CBLB: variants seen among roughly 807,000 people sequenced by gnomAD.
CBLB encodes Cbl proto-oncogene B, also known as E3 ubiquitin-protein ligase CBL-B.
In CBLB, 31 loss-of-function variants were observed where a neutral mutation model predicts 104.9. The observed-to-expected ratio is 0.30, with a 90% CI of 0.22 to 0.40. CBLB has a LOEUF of 0.40. CBLB is among the 10% of genes least tolerant of loss of function. The pLI, the probability that CBLB is intolerant of heterozygous loss-of-function variation, is 1.00. For missense variants in CBLB, 1,062 were observed against 1,214.6 expected (o/e 0.87, Z 1.87); for synonymous variants, 440 against 422.6 (o/e 1.04, Z -0.51).
intron 2 of CBLB, among the ~76,000 whole-genome samples, chr3:105,858,060 G>C (rs2091779882): frequency 6.6e-6 from 1 of 152,178 alleles, no homozygotes; most frequent in South Asian, 2.1e-4. Context: ...TAAAAGATCA[G>C]AGCATAGGAA....
rs561174344 is a variant in CBLB, at chr3:105,684,583, C to T, written c.2201+737G>A. On this transcript the variant is annotated intron_variant, in intron 14 of 18. Transcript: ENST00000394030. ...TTTTTTTTTTTTTGAGATGGTGTCT[C>T]GCTCTGTCACCCAGGCTGGAGTGCA... Among the ~76,000 whole-genome samples, 467 of 151,366 alleles carry T rather than the reference C, an allele frequency of 3.1e-3. 1 individual carries two copies. Among genetic ancestry groups the T allele is most frequent in the Non-Finnish European group, 3.6e-3 (245 of 67,870 alleles).
chr3:105,737,859 T>A (rs918731872), intron 7 of CBLB, among the ~76,000 whole-genome samples: 1 of 152,114 alleles, frequency 6.6e-6, no homozygotes, highest in African/African-American at 2.4e-5. Flanking sequence ...TAGAAAATGT[T>A]ACGTTTCCAT....
chr3:105,758,559 G>A (rs770606037), intron 4 of CBLB, among the ~76,000 whole-genome samples: 1 of 152,160 alleles, frequency 6.6e-6, no homozygotes, highest in Non-Finnish European at 1.5e-5. Flanking sequence ...GGCGGGCCAC[G>A]CTCACCATGC....
chr3:105,806,592 C>T (rs1411115393), intron 3 of CBLB, among the ~76,000 whole-genome samples: 2 of 151,766 alleles, frequency 1.3e-5, no homozygotes, highest in East Asian at 3.9e-4. Flanking sequence ...GTAAGCTTTG[C>T]CAAATAGCTG....
At chr3:105,762,800 C>G (rs1236454128) in intron 4 of CBLB, among the ~76,000 whole-genome samples, 6 of 152,188 alleles carry the variant, frequency 3.9e-5, no homozygotes, top group Non-Finnish European at 8.8e-5. Flanking sequence ...GGGGCACTGA[C>G]TAGTGGAGCT....
chr3:105,743,739 A>G (rs955680999), intron 6 of CBLB, among the ~76,000 whole-genome samples: 8 of 151,624 alleles, frequency 5.3e-5, no homozygotes, highest in Admixed American at 1.3e-4. Context: ...AGATAAAAAA[A>G]AAAAAAATGT....
At position 105,678,452 on chromosome 3, in the gene CBLB, C is replaced by A. The variant is rs759470758; in HGVS notation, c.2548G>T (p.Asp850Tyr). ...GSSSRPSSGQ[D>Y]LFLLPSDPFV... ...CTACCTGAAGGAAGAAGAAAAAGATCCTGTCCTGAGGATGGCCGGCTACTG... is the reference window on the plus strand; with the variant it reads ...CTACCTGAAGGAAGAAGAAAAAGATACTGTCCTGAGGATGGCCGGCTACTG... The change falls in exon 17 of 19, where the codon GAT (aspartate) becomes TAT (tyrosine). Residue 850 changes from aspartate (D) to tyrosine (Y), a missense_variant. This residue lies in a region of CBLB where 605 missense variants were observed against 582.6 expected (regional missense o/e 1.04). Transcript: ENST00000394030. 1 of 1,613,966 alleles carries A rather than the reference C, an allele frequency of 6.2e-7. No homozygotes were observed. Among genetic ancestry groups the A allele is most frequent in the Non-Finnish European group, 8.5e-7 (1 of 1,179,958 alleles).
Position 105,659,229 on chromosome 3 carries a change from T to A in CBLB, c.2690A>T (p.Asp897Val). The part of the protein sequence containing the change: ...QDYDQLPSCS[D>V]GSQAPARPPK... The stretch of plus-strand genomic sequence containing the variant: ...GGGTCTGGCTGGTGCCTGTGAACCA[T>A]CTGTGTAGATTTTTAAAGAGAGATA... The change falls in exon 19 of 19, where the codon GAT (aspartate) becomes GTT (valine). Residue 897 changes from aspartate to valine, a missense_variant and splice_region_variant. Physicochemically the swap from Asp to Val is radical, Grantham distance 152 (BLOSUM62 -3). Coordinates refer to ENST00000394030, the MANE Select transcript of CBLB (RefSeq NM_170662.5). 6.2e-7 allele frequency: 1 copy of A among 1,613,804 alleles called. No homozygotes were observed. The highest frequency in any genetic ancestry group is 8.5e-7 in the Non-Finnish European group (1 of 1,179,758).
At chr3:105,853,374 A>G in intron 3 of CBLB, 40 bp downstream of exon 3, 1 of 1,607,390 alleles carries the variant, frequency 6.2e-7, no homozygotes, top group Non-Finnish European at 8.5e-7. Context: ...AAGCAACATA[A>G]ATGACCTTTA....
chr3:105,702,354 G>A lies in CBLB; in HGVS notation c.1699C>T (p.Pro567Ser). Residue 567 changes from proline to serine, a missense_variant, in exon 12 of 19, where the codon CCA becomes TCA. Physicochemically the swap from Pro to Ser is moderately conservative, Grantham distance 74. Around this residue, in one of 2 missense-constraint regions of CBLB, gnomAD observed 605 missense variants for 582.6 expected, o/e 1.04. Coordinates refer to ENST00000394030, the MANE Select transcript of CBLB (RefSeq NM_170662.5). ...PPPERPPPIPPDNRLSRHIHH... is the reference protein window; with the variant it reads ...PPPERPPPIPSDNRLSRHIHH... ...ATGTGTCTACTCAGTCTATTGTCTG[G>A]TGGGATTGGTGGAGGTCTTTCAGGT... 6.2e-7 allele frequency: 1 copy of A among 1,613,834 alleles called. No individual in the cohort carries two copies. Among genetic ancestry groups the A allele is most frequent in the East Asian group, 2.2e-5 (1 of 44,856 alleles).
chr3:105,782,483 A>G (rs2080376552), intron 3 of CBLB, among the ~76,000 whole-genome samples: 1 of 151,872 alleles, frequency 6.6e-6, no homozygotes, highest in South Asian at 2.1e-4. Flanking sequence ...CACCTCATCC[A>G]CCACTAGCAC....
chr3:105,770,606 G>A (rs1349480051), intron 4 of CBLB, among the ~76,000 whole-genome samples: 1 of 152,166 alleles, frequency 6.6e-6, no homozygotes, highest in Non-Finnish European at 1.5e-5. Context: ...AGAATGGGGA[G>A]GGAGGAGTTG....
chr3:105,805,369 A>G (rs958694943), intron 3 of CBLB, among the ~76,000 whole-genome samples: 2 of 148,096 alleles, frequency 1.4e-5, no homozygotes, highest in African/African-American at 5.0e-5. Context: ...CAGTGGCATG[A>G]TCTCAGCTCA....
At position 105,751,468 on chromosome 3, in the gene CBLB, C is replaced by A; in HGVS notation, c.717G>T (p.Leu239=). The change falls in exon 5 of 19, where the codon CTG becomes CTT. Residue 239 remains leucine (L), a synonymous_variant. Coordinates refer to ENST00000394030, the MANE Select transcript of CBLB (RefSeq NM_170662.5). Reference sequence around the variant, plus strand: ...TAAGCAAGTATAAACTTACCTGAAACAGCCTGGTAAAAATATCAAATTCAA... The same window carrying A: ...TAAGCAAGTATAAACTTACCTGAAAAAGCCTGGTAAAAATATCAAATTCAA... ...SVFEFDIFTR[L]FQPWGSILRN... 6.2e-7 allele frequency: 1 copy of A among 1,607,364 alleles called. No homozygotes were observed. The highest frequency in any genetic ancestry group is 8.5e-7 in the Non-Finnish European group (1 of 1,174,284).
At position 105,681,599 on chromosome 3, in the gene CBLB, CA is replaced by C; in HGVS notation, c.2307del (p.Phe769LeufsTer41). 6.2e-7 allele frequency: 1 copy of C among 1,614,104 alleles called. No individual in the cohort carries two copies. The highest frequency in any genetic ancestry group is 2.2e-5 in the East Asian group (1 of 44,872). On this transcript the variant is annotated frameshift_variant, in exon 16 of 19. Coordinates refer to ENST00000394030, the MANE Select transcript of CBLB (RefSeq NM_170662.5). LOFTEE classifies it high-confidence loss of function. ...AATGGCACGGGATCAGAGGCTGAAT[CA>C]AAAACATCTCCTAGAGGATAACACA... ...DLSIYLKGDV[F>X]DSASDPVPLP...
intron 3 of CBLB, among the ~76,000 whole-genome samples, chr3:105,793,789 T>A (rs1049146907): frequency 1.3e-5 from 2 of 152,034 alleles, no homozygotes; most frequent in East Asian, 1.9e-4. Flanking sequence ...TTGCAGTACA[T>A]CCACATGCCT....
chr3:105,811,919 G>C (rs1213306072), intron 3 of CBLB, among the ~76,000 whole-genome samples: 1 of 152,096 alleles, frequency 6.6e-6, no homozygotes, highest in African/African-American at 2.4e-5. Flanking sequence ...GACCAGGCTG[G>C]TCTTGAACTC....
intron 9 of CBLB, among the ~76,000 whole-genome samples, chr3:105,721,857 T>C (rs989900953): frequency 6.6e-6 from 1 of 152,070 alleles, no homozygotes; most frequent in African/African-American, 2.4e-5. Flanking sequence ...TCATATTCAA[T>C]ATATATTATC....
chr3:105,697,924 TG>T (rs1356569803), intron 12 of CBLB, among the ~76,000 whole-genome samples: 1 of 152,070 alleles, frequency 6.6e-6, no homozygotes, highest in African/African-American at 2.4e-5. Context: ...TATATTTTGG[TG>T]AATTATTTTG....
Sources: allele counts gnomAD v4.1 joint callset (sites outside exome capture counted in the v4.1 genomes callset), GRCh38; gene constraint gnomAD v4.1.1; regional missense constraint gnomAD v4.1.1; transcripts MANE v1.5; gene names NCBI Gene and HGNC (gene_info 2026-07-23, HGNC 2026-07-21).